Variants in DEPDC5 observed in about 807,000 individuals in gnomAD.
The protein encoded by DEPDC5 is GATOR1 complex protein DEPDC5.
In DEPDC5, 73 loss-of-function variants were observed where a neutral mutation model predicts 217.3. That is an observed-to-expected ratio of 0.34 (90% CI 0.28 to 0.41). The LOEUF (loss-of-function observed/expected upper bound fraction) is 0.41. Ranked by LOEUF, DEPDC5 falls within the 10% of genes least tolerant of loss-of-function variation. DEPDC5 has a pLI of 1.00. For missense variants in DEPDC5, 1,675 were observed against 2,070.1 expected (o/e 0.81, Z 3.70); for synonymous variants, 733 against 756.7 (o/e 0.97, Z 0.51).
At chr22:31,818,641 T>TA (rs2089397795) in intron 21 of DEPDC5, among the ~76,000 whole-genome samples, 1 of 152,144 alleles carries the variant, frequency 6.6e-6, no homozygotes, top group Non-Finnish European at 1.5e-5. Flanking sequence ...GGTGACCACA[T>TA]AGCTATTTTT....
At chr22:31,785,279 AAAGT>A (rs71698686) in intron 10 of DEPDC5, among the ~76,000 whole-genome samples, 16,173 of 152,026 alleles carry the variant, frequency 0.11, 924 homozygotes, top group South Asian at 0.19. Context: ...CAAACTCCAC[AAAGT>A]AAGTATTAGA....
In DEPDC5 at chr22:31,834,003, G is replaced by A. The variant is rs765952491; in HGVS notation, c.2170+23G>A. On this transcript the variant is annotated intron_variant, in intron 25 of 42. Coordinates refer to ENST00000651528, the MANE Select transcript of DEPDC5 (RefSeq NM_001242896.3). Reference sequence around the variant, plus strand: ...CAAGTAAGAGGGGGCAGCTGACTGGGGAAAGGGGTAGACAGGGAGTGTGGG... The same window carrying A: ...CAAGTAAGAGGGGGCAGCTGACTGGAGAAAGGGGTAGACAGGGAGTGTGGG... The A allele has an allele frequency of 1.5e-4, 234 of 1,611,430 alleles. 1 individual carries two copies. The Admixed American group carries it at 3.9e-3, about 27-fold the overall frequency.
rs1464719878 is a variant in DEPDC5 at position 31,810,484 on chromosome 22, G to T, written c.1325-37G>T. 3.1e-6 allele frequency: 5 copies of T among 1,612,574 alleles called. No individual in the cohort carries two copies. In the African/African-American group the frequency reaches 6.7e-5, roughly 22 times the overall value. Reference sequence around the variant, plus strand: ...CAGCTCTCAGGCATGTGTTTGAAATGTATTTGATGACAATTTATATTATTT... The same window carrying T: ...CAGCTCTCAGGCATGTGTTTGAAATTTATTTGATGACAATTTATATTATTT... On this transcript the variant is annotated intron_variant, in intron 19 of 42. Transcript: ENST00000651528.
chr22:31,874,450 G>A (rs765031645), intron 36 of DEPDC5, 45 bp downstream of exon 36: 31 of 1,559,336 alleles, frequency 2.0e-5, no homozygotes, highest in South Asian at 7.1e-5. Flanking sequence ...CTTAGGTCCC[G>A]AAAAATCAGG....
intron 5 of DEPDC5, 71 bp from the exon 6 acceptor site, chr22:31,766,513 AG>A: frequency 1.4e-6 from 2 of 1,454,872 alleles, no homozygotes; most frequent in Non-Finnish European, 1.9e-6. Flanking sequence ...TTCCATGGTA[AG>A]TGGGCATTAC....
chr22:31,880,348 G>A (rs1047968001), intron 38 of DEPDC5: 3 of 155,936 alleles, frequency 1.9e-5, no homozygotes, highest in African/African-American at 7.2e-5. Context: ...TAGGAAATGG[G>A]GAACTCTGAG....
At chr22:31,828,051 G>A (rs1033394693) in intron 24 of DEPDC5, among the ~76,000 whole-genome samples, 3 of 151,950 alleles carry the variant, frequency 2.0e-5, no homozygotes, top group African/African-American at 7.3e-5. Context: ...TTTCTCCATT[G>A]TGCCACCTGG....
chr22:31,764,998 G>A lies in DEPDC5; in HGVS notation c.217G>A (p.Val73Met). Residue 73 changes from valine to methionine, a missense_variant, in exon 5 of 43, where the codon GTG becomes ATG. Transcript: ENST00000651528. ...QKETISVDQT[V>M]TQVFRLRPYQ... is the part of the protein sequence containing the mutation. ...AGAAACTATCAGTGTGGACCAGACT[G>A]TGACTCAAGTGTTCCGGCTGAGACC... is the stretch of plus-strand genomic sequence containing the variant. The A allele has an allele frequency of 6.2e-7, 1 of 1,614,094 alleles. No individual in the cohort carries two copies. The highest frequency in any genetic ancestry group is 2.2e-5 in the East Asian group (1 of 44,878).
chr22:31,786,064 C>A (rs1430345531), intron 10 of DEPDC5, among the ~76,000 whole-genome samples: 1 of 151,944 alleles, frequency 6.6e-6, no homozygotes, highest in Non-Finnish European at 1.5e-5. Flanking sequence ...TGAGACCAGT[C>A]TGGCCAACGT....
At chr22:31,770,057 C>A (rs1468219878) in intron 7 of DEPDC5, among the ~76,000 whole-genome samples, 10 of 147,084 alleles carry the variant, frequency 6.8e-5, no homozygotes, top group Non-Finnish European at 1.5e-4. Flanking sequence ...GACAAATAGT[C>A]TCTAAAAAAA....
intron 10 of DEPDC5, among the ~76,000 whole-genome samples, chr22:31,785,701 A>G (rs544722460): frequency 6.6e-6 from 1 of 152,248 alleles, no homozygotes; most frequent in African/African-American, 2.4e-5. Flanking sequence ...TCCTAATTTC[A>G]AAACTTACTA....
intron 4 of DEPDC5, among the ~76,000 whole-genome samples, chr22:31,764,700 G>A (rs533265470): frequency 6.6e-6 from 1 of 152,118 alleles, no homozygotes; most frequent in Non-Finnish European, 1.5e-5. Context: ...ACAGGTGTTA[G>A]CCACCATACC....
intron 31 of DEPDC5, among the ~76,000 whole-genome samples, chr22:31,851,122 C>T (rs576729526): frequency 5.3e-5 from 8 of 152,098 alleles, no homozygotes; most frequent in Admixed American, 3.9e-4. Context: ...TCCACATCTG[C>T]ACCCAGCCAC....
At chr22:31,819,884 T>C (rs545791657) in intron 22 of DEPDC5, among the ~76,000 whole-genome samples, 1 of 152,318 alleles carries the variant, frequency 6.6e-6, no homozygotes, top group South Asian at 2.1e-4. Flanking sequence ...ATTGATATCC[T>C]GTCTTGGTTA....
chr22:31,805,151 A>G (rs934398734), intron 17 of DEPDC5: 1 of 338,072 alleles, frequency 3.0e-6, no homozygotes, highest in Non-Finnish European at 5.5e-6. Context: ...CTTCCTCTGC[A>G]GTTCCCATGT....
At chr22:31,846,719 A>C (rs1418199639) in intron 30 of DEPDC5, 115 bp from the exon 31 acceptor site, 8 of 1,460,270 alleles carry the variant, frequency 5.5e-6, no homozygotes, top group African/African-American at 2.8e-5. Flanking sequence ...GTGTTCCTTG[A>C]CCCTGTCCAT....
rs771219900 is a variant in DEPDC5 at position 31,810,656 on chromosome 22, T to A, written c.1445+15T>A. 1.2e-6 allele frequency: 2 copies of A among 1,614,132 alleles called. No homozygotes were observed. The highest frequency in any genetic ancestry group is 1.7e-6 in the Non-Finnish European group (2 of 1,180,020). The stretch of plus-strand genomic sequence containing the variant: ...ACCACCTGCAGGTTTTCTGCCAGAT[T>A]CACTTGGGGGTGCATATAAAAATTG... On this transcript the variant is annotated intron_variant, in intron 20 of 42. Transcript: ENST00000651528.
intron 10 of DEPDC5, among the ~76,000 whole-genome samples, chr22:31,790,598 C>G (rs559258757): frequency 6.6e-6 from 1 of 152,228 alleles, no homozygotes; most frequent in African/African-American, 2.4e-5. Flanking sequence ...TGTTCTTGTT[C>G]CCTAGACCAC....
At chr22:31,807,435 G>A (rs940999828) in intron 18 of DEPDC5, among the ~76,000 whole-genome samples, 5 of 152,120 alleles carry the variant, frequency 3.3e-5, no homozygotes, top group African/African-American at 7.2e-5. Context: ...TGTTGTTGTC[G>A]TTGTTTGTTT....
Sources: gnomAD v4.1 joint callset for allele counts (sites outside exome capture counted in the v4.1 genomes callset) on GRCh38, gnomAD v4.1.1 for gene constraint, MANE v1.5 for transcripts, NCBI Gene and HGNC (gene_info 2026-07-23, HGNC 2026-07-21) for gene names.